The following INTS14 variants were observed in gnomAD, a reference collection of about 807,000 sequenced individuals.
INTS14 encodes UPF0464 protein C15orf44.
INTS14 carries 27 observed loss-of-function variants against 56.9 expected under a neutral mutation model. The ratio of observed to expected loss-of-function variants is 0.47; its 90% confidence interval spans 0.35 to 0.65. INTS14 has a LOEUF of 0.65. Among genes scored for constraint, INTS14 ranks in the 30% least tolerant of loss-of-function variants. The pLI is 0.00. For synonymous variants in INTS14, 207 were observed against 236.2 expected, an observed-to-expected ratio of 0.88 and a Z score of 1.13; for missense variants, 517 against 632.2, an observed-to-expected ratio of 0.82 and a Z score of 1.95.
chr15:65,582,099 T>A, intron 10 of INTS14, 80 bp from the exon 11 acceptor site: 1 of 1,237,414 alleles, frequency 8.1e-7, no homozygotes, highest in Non-Finnish European at 1.1e-6. Context: ...TGGATCTAAA[T>A]GTTTAAAGAG....
intron 9 of INTS14, among the ~76,000 whole-genome samples, chr15:65,589,210 T>C (rs1291000790): frequency 2.0e-5 from 3 of 152,188 alleles, no homozygotes; most frequent in Non-Finnish European, 4.4e-5. Context: ...CAGGTTGGAG[T>C]GCAGCGATGC....
chr15:65,586,614 T>A (rs2072834225), intron 9 of INTS14: 1 of 152,198 alleles, frequency 6.6e-6, no homozygotes, highest in South Asian at 2.1e-4. Flanking sequence ...ATGTGGTAAC[T>A]AACTGGCTTA....
chr15:65,608,930 A>G (rs2073751996), intron 1 of INTS14, among the ~76,000 whole-genome samples: 1 of 152,138 alleles, frequency 6.6e-6, no homozygotes, highest in Non-Finnish European at 1.5e-5. Flanking sequence ...GTCTTGCGAC[A>G]TCTGTCGCCC....
chr15:65,603,325 C>A (rs1279614952), intron 3 of INTS14, among the ~76,000 whole-genome samples: 1 of 152,112 alleles, frequency 6.6e-6, no homozygotes, highest in Non-Finnish European at 1.5e-5. Context: ...AGTAAAATCA[C>A]CCTTTTTAGT....
intron 9 of INTS14, among the ~76,000 whole-genome samples, chr15:65,588,925 C>T (rs964960994): frequency 4.6e-5 from 7 of 152,126 alleles, no homozygotes; most frequent in Non-Finnish European, 5.9e-5. Flanking sequence ...GTGCCTGGCA[C>T]AAAGTTAAGT....
At chr15:65,602,007 G>C (rs2073452209) in intron 3 of INTS14, among the ~76,000 whole-genome samples, 1 of 152,116 alleles carries the variant, frequency 6.6e-6, no homozygotes, top group South Asian at 2.1e-4. Context: ...CTTGAGGCAA[G>C]GAGTTCAAGA....
chr15:65,599,535 T>C (rs2073348869), intron 4 of INTS14: 1 of 389,214 alleles, frequency 2.6e-6, no homozygotes, highest in Admixed American at 4.0e-5. Flanking sequence ...TGACCCTTTA[T>C]GCACCCATCA....
In INTS14 at chr15:65,611,101, G is replaced by A. The variant is rs1596282664; in HGVS notation, c.-66C>T. 6.5e-7 allele frequency: 1 copy of A among 1,535,526 alleles called. No individual in the cohort carries two copies. Among genetic ancestry groups the A allele is most frequent in the Non-Finnish European group, 8.7e-7 (1 of 1,146,598 alleles). On this transcript the variant is annotated 5_prime_UTR_variant, in exon 1 of 12. In the 5' UTR this introduces an upstream ATG that the reference lacks. Coordinates refer to ENST00000313182, the MANE Select transcript of INTS14 (RefSeq NM_001394796.1). ...GGCCCTCGGCCTCCCCACTCACCCCGTGCCCATCGCCGGACACAGTCCGTC... is the reference window on the plus strand; with the variant it reads ...GGCCCTCGGCCTCCCCACTCACCCCATGCCCATCGCCGGACACAGTCCGTC...
intron 1 of INTS14, among the ~76,000 whole-genome samples, chr15:65,608,472 A>C (rs1422708649): frequency 6.6e-6 from 1 of 152,144 alleles, no homozygotes; most frequent in Non-Finnish European, 1.5e-5. Flanking sequence ...ATGGATTGAG[A>C]ATTAGCATAA....
At chr15:65,600,306 C>T (rs2073382552) in intron 3 of INTS14, among the ~76,000 whole-genome samples, 1 of 146,558 alleles carries the variant, frequency 6.8e-6, no homozygotes, top group South Asian at 2.2e-4. Flanking sequence ...GAGACTCTGT[C>T]TTTTTAAAAC....
chr15:65,602,000 G>C (rs2073451671), intron 3 of INTS14, among the ~76,000 whole-genome samples: 2 of 152,128 alleles, frequency 1.3e-5, no homozygotes, highest in African/African-American at 4.8e-5. Context: ...AGGATCACTT[G>C]AGGCAAGGAG....
intron 11 of INTS14, 122 bp from the exon 12 acceptor site, chr15:65,579,781 C>T (rs2072521665): frequency 5.8e-6 from 8 of 1,384,890 alleles, no homozygotes; most frequent in Non-Finnish European, 7.7e-6. Flanking sequence ...TATATGAGAA[C>T]AAATGTTTAT....
Position 65,594,456 on chromosome 15 carries a change from G to A in INTS14, c.842-884C>T, listed in dbSNP as rs530940740. The stretch of plus-strand genomic sequence containing the variant: ...TGCTCAGGCTGGAGTGCAGTGGCGC[G>A]ATCTCGGCTCACTGCAAACTCCGCC... On this transcript the variant is annotated intron_variant, in intron 7 of 11. Coordinates refer to ENST00000313182, the MANE Select transcript of INTS14 (RefSeq NM_001394796.1). Among the ~76,000 whole-genome samples the A allele has an allele frequency of 1.1e-4, 16 of 149,490 alleles. No individual in the cohort carries two copies. The South Asian group carries it at 3.2e-3, about 30-fold the overall frequency.
intron 4 of INTS14, 65 bp from the exon 5 acceptor site, chr15:65,599,055 C>T (rs953960969): frequency 4.2e-6 from 5 of 1,203,054 alleles, no homozygotes; most frequent in African/African-American, 3.1e-5. Flanking sequence ...TCTCAGCTCA[C>T]CAAGGTCAAA....
chr15:65,607,293 G>A lies in INTS14; in HGVS notation c.88C>T (p.Leu30=). The A allele has an allele frequency of 6.2e-7, 1 of 1,614,162 alleles. No individual in the cohort carries two copies. The highest frequency in any genetic ancestry group is 8.5e-7 in the Non-Finnish European group (1 of 1,180,036). Residue 30 remains leucine, a synonymous_variant, in exon 2 of 12, where the codon CTA becomes TTA. Transcript: ENST00000313182. Reference sequence around the variant, plus strand: ...AGCATCGTTAAACCATGGGCTGCTAGGTGCTTACGCTGGTATTCCTCGGAC... The same window carrying A: ...AGCATCGTTAAACCATGGGCTGCTAAGTGCTTACGCTGGTATTCCTCGGAC... ...EGSEEYQRKH[L]AAHGLTMLFE... is the part of the protein sequence containing the mutation.
intron 8 of INTS14, 25 bp downstream of exon 8, chr15:65,593,403 A>G (rs2073100272): frequency 1.9e-6 from 3 of 1,587,072 alleles, no homozygotes; most frequent in Admixed American, 3.6e-5. Flanking sequence ...CTTTCATTCA[A>G]CCAAATGTAA....
intron 3 of INTS14, 97 bp from the exon 4 acceptor site, chr15:65,600,026 G>T: frequency 7.6e-7 from 1 of 1,323,974 alleles, no homozygotes; most frequent in Non-Finnish European, 1.0e-6. Context: ...GGGGCACCAG[G>T]GCTGGCTATG....
Position 65,579,554 on chromosome 15 carries a change from C to A in INTS14, c.1411G>T (p.Ala471Ser), listed in dbSNP as rs866838751. The part of the protein sequence containing the change: ...ERECTLLPET[A>S]HPDAAFQLTH... Reference sequence around the variant, plus strand: ...AGCTGGAATGCAGCATCAGGGTGGGCTGTCTCAGGCAGCAGTGTGCATTCC... The same window carrying A: ...AGCTGGAATGCAGCATCAGGGTGGGATGTCTCAGGCAGCAGTGTGCATTCC... The change falls in exon 12 of 12, where the codon GCC becomes TCC. Residue 471 changes from alanine to serine, a missense_variant. Transcript: ENST00000313182. 1 of 1,614,108 alleles carries A rather than the reference C, an allele frequency of 6.2e-7. No individual in the cohort carries two copies. Among genetic ancestry groups the A allele is most frequent in the African/African-American group, 1.3e-5 (1 of 74,932 alleles).
Position 65,579,079 on chromosome 15 carries a change from GC to G in INTS14, c.*328del, listed in dbSNP as rs1181955660. Reference sequence around the variant, plus strand: ...GGTGAAGCTTTCAGGAAGCCAGAGAGCCCCTGCCGGTCAGGTTTCCTGAGGA... The same window carrying G: ...GGTGAAGCTTTCAGGAAGCCAGAGAGCCCTGCCGGTCAGGTTTCCTGAGGA... On this transcript the variant is annotated 3_prime_UTR_variant, in exon 12 of 12. Coordinates refer to ENST00000313182, the MANE Select transcript of INTS14 (RefSeq NM_001394796.1). 2.4e-4 allele frequency: 51 copies of G among 213,810 alleles called. No homozygotes were observed. The highest frequency in any genetic ancestry group is 3.4e-4 in the East Asian group (3 of 8,778). 13.2% of individuals were successfully genotyped at this position (213,810 alleles called of 1,614,324 possible). A position where few individuals can be genotyped will look rare whatever the true frequency, so the allele number is the denominator to read the frequency against.
Sources: gnomAD v4.1 joint callset for allele counts (sites outside exome capture counted in the v4.1 genomes callset) on GRCh38, gnomAD v4.1.1 for gene constraint, MANE v1.5 for transcripts, NCBI Gene and HGNC (gene_info 2026-07-23, HGNC 2026-07-21) for gene names.